Variants in MEP1A observed in about 807,000 individuals in gnomAD.
MEP1A encodes N-benzoyl-L-tyrosyl-P-amino-benzoic acid hydrolase subunit alpha.
Under a neutral mutation model 84.5 loss-of-function variants are expected in MEP1A, and 68 were observed. That is an observed-to-expected ratio of 0.80 (90% CI 0.66 to 0.98). The LOEUF is 0.98. MEP1A is among the 50% of genes least tolerant of loss of function. The probability of loss-of-function intolerance (pLI) is 0.00; values close to 1 mark genes in which losing one functional copy is unlikely to be tolerated. For missense variants in MEP1A, 887 were observed against 919.9 expected, an observed-to-expected ratio of 0.96 and a Z score of 0.46; for synonymous variants, 337 against 336.8, an observed-to-expected ratio of 1.00 and a Z score of -0.01.
At chr6:46,807,835 GAA>G (rs1341490608) in intron 5 of MEP1A, among the ~76,000 whole-genome samples, 1 of 126,688 alleles carries the variant, frequency 7.9e-6, no homozygotes, top group Non-Finnish European at 1.9e-5. Context: ...AAGAAAGAAA[GAA>G]AGGAAGAAAG....
intron 5 of MEP1A, 29 bp from the exon 6 acceptor site, chr6:46,809,391 C>T (rs1767436937): frequency 2.2e-6 from 3 of 1,369,388 alleles, no homozygotes; most frequent in African/African-American, 1.4e-5. Context: ...CCAAATAATG[C>T]TCATTGATAT....
intron 7 of MEP1A, among the ~76,000 whole-genome samples, chr6:46,823,586 T>G (rs1562112764): frequency 6.6e-6 from 1 of 152,174 alleles, no homozygotes; most frequent in East Asian, 1.9e-4. Context: ...CACACCAGCC[T>G]GGGCAACAGA....
intron 10 of MEP1A, among the ~76,000 whole-genome samples, chr6:46,832,824 A>C (rs1213831322): frequency 6.6e-6 from 1 of 152,244 alleles, no homozygotes; most frequent in Non-Finnish European, 1.5e-5. Flanking sequence ...AGTGGAAAAC[A>C]AATTCACGGT....
chr6:46,810,815 C>T (rs1231895103), intron 6 of MEP1A, among the ~76,000 whole-genome samples: 2 of 152,066 alleles, frequency 1.3e-5, no homozygotes, highest in Non-Finnish European at 2.9e-5. Context: ...TATTCTGTTC[C>T]ATTGGTCTAT....
At chr6:46,836,333 A>T (rs889623455) in intron 13 of MEP1A, among the ~76,000 whole-genome samples, 1 of 152,242 alleles carries the variant, frequency 6.6e-6, no homozygotes, top group African/African-American at 2.4e-5. Context: ...CAGAAGCAAC[A>T]GTTCCATTTG....
chr6:46,811,977 T>A (rs1233582044), intron 6 of MEP1A, among the ~76,000 whole-genome samples: 1 of 152,154 alleles, frequency 6.6e-6, no homozygotes, highest in Non-Finnish European at 1.5e-5. Context: ...AAGGAGATAC[T>A]GGCTTCATAG....
At chr6:46,797,907 C>CTTCA (rs1266356350) in intron 3 of MEP1A, among the ~76,000 whole-genome samples, 2 of 51,328 alleles carry the variant, frequency 3.9e-5, no homozygotes, top group African/African-American at 1.4e-4. Flanking sequence ...TCCTTCCTTC[C>CTTCA]TTCCTTCCTT....
chr6:46,794,828 A>G (rs1424265179), intron 3 of MEP1A, among the ~76,000 whole-genome samples: 1 of 151,716 alleles, frequency 6.6e-6, no homozygotes, highest in Non-Finnish European at 1.5e-5. Flanking sequence ...TGGGATTAGA[A>G]TTAGAGTTTT....
At chr6:46,830,831 T>C (rs935276316) in intron 10 of MEP1A, among the ~76,000 whole-genome samples, 1 of 152,220 alleles carries the variant, frequency 6.6e-6, no homozygotes, top group African/African-American at 2.4e-5. Flanking sequence ...GGTTGAAATT[T>C]ATTATAGTTT....
intron 4 of MEP1A, 94 bp downstream of exon 4, chr6:46,798,740 T>TGTGAAG: frequency 9.7e-7 from 1 of 1,026,890 alleles, no homozygotes; most frequent in Non-Finnish European, 1.5e-6. Context: ...GGATGGGCAC[T>TGTGAAG]GTGAAGGAGA....
intron 5 of MEP1A, among the ~76,000 whole-genome samples, chr6:46,800,701 A>G (rs1767181293): frequency 6.6e-6 from 1 of 152,206 alleles, no homozygotes; most frequent in African/African-American, 2.4e-5. Context: ...TTAAATTTAC[A>G]TAGAGTGAAA....
chr6:46,832,463 C>T (rs1276211400), intron 10 of MEP1A, among the ~76,000 whole-genome samples: 3 of 152,182 alleles, frequency 2.0e-5, no homozygotes, highest in African/African-American at 4.8e-5. Context: ...TTTATTAGAA[C>T]GTGCATTTCC....
At position 46,826,411 on chromosome 6, in the gene MEP1A, T is replaced by C. The variant is rs1434884581; in HGVS notation, c.836T>C (p.Met279Thr). 1.9e-6 allele frequency: 3 copies of C among 1,610,370 alleles called. No individual in the cohort carries two copies. In the South Asian group the frequency reaches 3.3e-5, roughly 18 times the overall value. ...CTFEKANICGMIQGTRDDTDW... is the reference protein window; with the variant it reads ...CTFEKANICGTIQGTRDDTDW... ...TTTGAGAAGGCAAACATCTGTGGAA[T>C]GATTCAGGGCACCAGAGATGACACT... Residue 279 changes from methionine to threonine, a missense_variant, in exon 9 of 14, where the codon ATG (methionine) becomes ACG (threonine). Physicochemically the swap from Met to Thr is moderately conservative, Grantham distance 81. Transcript: ENST00000230588.
downstream of MEP1A, among the ~76,000 whole-genome samples, chr6:46,840,012 G>A (rs963229428): frequency 9.9e-5 from 15 of 151,348 alleles, no homozygotes; most frequent in African/African-American, 3.6e-4. Context: ...GCTGGGGCAA[G>A]GAAGTTCCAA....
At chr6:46,805,612 G>A (rs368672993) in intron 5 of MEP1A, among the ~76,000 whole-genome samples, 1 of 151,872 alleles carries the variant, frequency 6.6e-6, no homozygotes, top group Non-Finnish European at 1.5e-5. Flanking sequence ...TCCAGTGTCT[G>A]ATAATAAATC....
At chr6:46,845,575 A>G in the MEP1A span, among the ~76,000 whole-genome samples, 5 of 152,216 alleles carry the variant, frequency 3.3e-5, no homozygotes, top group Non-Finnish European at 5.9e-5. Flanking sequence ...CAATCATGAT[A>G]CCCTGTACTG....
At chr6:46,798,829 A>C (rs1678015881) in intron 4 of MEP1A, among the ~76,000 whole-genome samples, 183 bp downstream of exon 4, 1 of 152,244 alleles carries the variant, frequency 6.6e-6, no homozygotes, top group Admixed American at 6.5e-5. Flanking sequence ...AGGGAAAATA[A>C]GTAAACAGCA....
intron 6 of MEP1A, among the ~76,000 whole-genome samples, chr6:46,809,832 CAT>C (rs147791966): frequency 0.048 from 6,222 of 128,558 alleles, 442 homozygotes; most frequent in African/African-American, 0.16. Flanking sequence ...ATATATTTTA[CAT>C]ATATTTTTTT....
downstream of MEP1A, among the ~76,000 whole-genome samples, chr6:46,842,243 A>G (rs1240717951): frequency 1.3e-5 from 2 of 152,198 alleles, no homozygotes; most frequent in Non-Finnish European, 2.9e-5. Context: ...AGAACAGAAT[A>G]ACAGCGATTT....
Sources: allele counts gnomAD v4.1 joint callset (sites outside exome capture counted in the v4.1 genomes callset), GRCh38; gene constraint gnomAD v4.1.1; transcripts MANE v1.5; gene names NCBI Gene and HGNC (gene_info 2026-07-23, HGNC 2026-07-21).